Variants in CENPN observed in about 807,000 individuals in gnomAD.
CENPN encodes the protein centromere protein N.
In CENPN, 36 loss-of-function variants were observed where a neutral mutation model predicts 48.6. The ratio of observed to expected loss-of-function variants is 0.74; its 90% CI spans 0.57 to 0.98. The LOEUF (loss-of-function observed/expected upper bound fraction) is 0.98, where lower values mean the gene tolerates loss of function less well. CENPN is among the 50% of genes least tolerant of loss of function. The pLI, the probability that CENPN is intolerant of heterozygous loss-of-function variation, is 0.00. For missense variants in CENPN, 439 were observed against 399.2 expected, an observed-to-expected ratio of 1.10 and a Z score of -0.85; for synonymous variants, 166 against 135.2, an observed-to-expected ratio of 1.23 and a Z score of -1.58.
intron 2 of CENPN, among the ~76,000 whole-genome samples, chr16:81,013,328 C>T (rs1024046166): frequency 9.2e-5 from 14 of 152,154 alleles, no homozygotes; most frequent in Admixed American, 2.0e-4. Flanking sequence ...AAAATGCAAA[C>T]AAATCTGTAA....
intron 5 of CENPN, among the ~76,000 whole-genome samples, chr16:81,019,366 G>A (rs1027087602): frequency 2.1e-4 from 31 of 149,812 alleles, no homozygotes; most frequent in Admixed American, 4.7e-4. Context: ...ATAGGCACAT[G>A]TCACCGTGCC....
chr16:81,009,087 A>G (rs1404737783), intron 1 of CENPN, among the ~76,000 whole-genome samples: 1 of 152,162 alleles, frequency 6.6e-6, no homozygotes, highest in Non-Finnish European at 1.5e-5. Context: ...CACACCTGTA[A>G]TCCCAGATAC....
intron 8 of CENPN, among the ~76,000 whole-genome samples, chr16:81,026,024 A>G (rs1320390925): frequency 6.6e-6 from 1 of 150,772 alleles, no homozygotes; most frequent in African/African-American, 2.4e-5. Context: ...TCTTAAAAAA[A>G]ATACATATAT....
chr16:81,017,841 A>G lies in CENPN; in HGVS notation c.354+7A>G. 6.9e-7 allele frequency: 1 copy of G among 1,450,410 alleles called. No individual in the cohort carries two copies. The highest frequency in any genetic ancestry group is 1.2e-5 in the South Asian group (1 of 82,070). 89.8% of individuals were successfully genotyped at this position (1,450,410 alleles called of 1,614,324 possible). ...TCAGAGAGCATTAAAAAATGTAAGAATAAAATTCATCTTTTACATAAAATT... is the reference window on the plus strand; with the variant it reads ...TCAGAGAGCATTAAAAAATGTAAGAGTAAAATTCATCTTTTACATAAAATT... On this transcript the variant is annotated splice_region_variant and intron_variant, in intron 5 of 10. Coordinates refer to ENST00000305850, the MANE Select transcript of CENPN (RefSeq NM_001100624.3).
chr16:81,008,521 G>A (rs1157705220), intron 1 of CENPN, among the ~76,000 whole-genome samples: 3 of 152,102 alleles, frequency 2.0e-5, no homozygotes, highest in Admixed American at 6.5e-5. Context: ...AGAGGTGTGC[G>A]TCACGACACC....
intron 3 of CENPN, 109 bp downstream of exon 3, chr16:81,014,290 A>C (rs1969853375): frequency 3.5e-6 from 3 of 862,234 alleles, no homozygotes; most frequent in Non-Finnish European, 5.8e-6. Flanking sequence ...GCTGGAGTGC[A>C]GTAACGCCAT....
chr16:81,012,970 A>T, intron 2 of CENPN, among the ~76,000 whole-genome samples: 1 of 152,358 alleles, frequency 6.6e-6, no homozygotes, highest in Admixed American at 6.5e-5. Flanking sequence ...AAAATAATAA[A>T]AAATAGGAGG....
chr16:81,008,467 AT>A (rs1334651463), intron 1 of CENPN, among the ~76,000 whole-genome samples: 1 of 151,724 alleles, frequency 6.6e-6, no homozygotes, highest in Admixed American at 6.6e-5. Context: ...CTCCTCCCGG[AT>A]TCAGGCTGTT....
chr16:81,029,080 A>G lies in CENPN; in HGVS notation c.*429A>G. On this transcript the variant is annotated 3_prime_UTR_variant, in exon 11 of 11. Transcript: ENST00000305850. ...CTCTGGATCACAGAGAGAAGCAACA[A>G]GGAACTATACTCAACTCAAAACTTT... is the stretch of plus-strand genomic sequence containing the variant. 1 of 987,150 alleles carries G rather than the reference A, an allele frequency of 1.0e-6. No homozygotes were observed. Among genetic ancestry groups the G allele is most frequent in the African/African-American group, 1.7e-5 (1 of 57,412 alleles). 61.1% of individuals were successfully genotyped at this position (987,150 alleles called of 1,614,324 possible).
chr16:81,016,520 G>GA (rs1969938412), intron 3 of CENPN, among the ~76,000 whole-genome samples: 1 of 152,232 alleles, frequency 6.6e-6, no homozygotes, highest in Non-Finnish European at 1.5e-5. Context: ...CCAGCACTTT[G>GA]GGAGGCCAAG....
intron 3 of CENPN, 71 bp downstream of exon 3, chr16:81,014,252 T>G: frequency 1.5e-6 from 2 of 1,305,718 alleles, no homozygotes; most frequent in Non-Finnish European, 2.2e-6. Flanking sequence ...TCTTTCTTTG[T>G]GAGACAGGGT....
rs1209992821 is a variant in CENPN, at chr16:81,030,635, G to C, written c.*1984G>C. The C allele has an allele frequency of 6.5e-6, 1 of 153,248 alleles. No individual in the cohort carries two copies. Among genetic ancestry groups the C allele is most frequent in the African/African-American group, 2.4e-5 (1 of 41,460 alleles). 9.5% of individuals were successfully genotyped at this position (153,248 alleles called of 1,614,324 possible). Reference sequence around the variant, plus strand: ...GTAGTGGCAGCCGCCTGTAATCCCAGCTATTCGAGAGGCTGAGGCAGGAGA... The same window carrying C: ...GTAGTGGCAGCCGCCTGTAATCCCACCTATTCGAGAGGCTGAGGCAGGAGA... On this transcript the variant is annotated 3_prime_UTR_variant, in exon 11 of 11. Transcript: ENST00000305850.
rs551886703 is a variant in CENPN at position 81,026,017 on chromosome 16, T to TA, written c.698-501dup. ...CGTGCCCAGCCGAGACCCCATCTCT[T>TA]AAAAAAAATACATATATAGGCTGGG... On this transcript the variant is annotated intron_variant, in intron 8 of 10. Transcript: ENST00000305850. Among the ~76,000 whole-genome samples the TA allele has an allele frequency of 3.8e-4, 57 of 148,574 alleles. 1 individual carries two copies. The highest frequency in any genetic ancestry group is 7.0e-4 in the Non-Finnish European group (47 of 67,322).
chr16:81,026,504 A>G, intron 8 of CENPN, 22 bp from the exon 9 acceptor site: 2 of 1,223,516 alleles, frequency 1.6e-6, no homozygotes, highest in Non-Finnish European at 2.4e-6. Flanking sequence ...CGGCTGTTTT[A>G]TTTGAAATCT....
intron 5 of CENPN, among the ~76,000 whole-genome samples, chr16:81,018,250 C>T (rs917525499): frequency 6.6e-6 from 1 of 151,812 alleles, no homozygotes; most frequent in Non-Finnish European, 1.5e-5. Flanking sequence ...GATCTCGGCT[C>T]ACTGCAACTG....
chr16:81,032,821 T>G, downstream of CENPN: 1 of 1,057,736 alleles, frequency 9.5e-7, no homozygotes, highest in South Asian at 1.6e-5. Flanking sequence ...TTACTCAAAT[T>G]TGACCAATCT....
At chr16:81,028,544 C>T in intron 10 of CENPN, 25 bp from the exon 11 acceptor site, 2 of 1,506,226 alleles carry the variant, frequency 1.3e-6, no homozygotes, top group Admixed American at 2.2e-5. Context: ...TTTTCTTTTT[C>T]CCTTTTTTTT....
chr16:81,019,899 A>G (rs1597096149), intron 5 of CENPN, among the ~76,000 whole-genome samples: 1 of 151,486 alleles, frequency 6.6e-6, no homozygotes, highest in East Asian at 1.9e-4. Flanking sequence ...AGAACTGAAA[A>G]GGATTTTTTT....
chr16:81,028,768 T>C lies in CENPN; in HGVS notation c.*117T>C. The C allele has an allele frequency of 9.6e-6, 14 of 1,461,670 alleles. No individual in the cohort carries two copies. Among genetic ancestry groups the C allele is most frequent in the Non-Finnish European group, 1.3e-5 (14 of 1,110,910 alleles). 90.5% of individuals were successfully genotyped at this position (1,461,670 alleles called of 1,614,324 possible). On this transcript the variant is annotated 3_prime_UTR_variant, in exon 11 of 11. Coordinates refer to ENST00000305850, the MANE Select transcript of CENPN (RefSeq NM_001100624.3). ...CTTGTATTTTCAAGAATCCTTGGTA[T>C]TGAATTTTTAGAAATGCTCACATAA...
Sources: gnomAD v4.1 joint callset for allele counts (sites outside exome capture counted in the v4.1 genomes callset) on GRCh38, gnomAD v4.1.1 for gene constraint, MANE v1.5 for transcripts, NCBI Gene and HGNC (gene_info 2026-07-23, HGNC 2026-07-21) for gene names.